Variants in TSPAN1 observed in about 807,000 individuals in gnomAD.
The protein encoded by TSPAN1 is tetraspanin-1.
A neutral mutation model predicts 26.9 loss-of-function variants in TSPAN1; 23 were observed. That is an observed-to-expected ratio of 0.85 (90% CI 0.62 to 1.21). The LOEUF (loss-of-function observed/expected upper bound fraction) is 1.21, where lower values mean the gene tolerates loss of function less well. Among genes scored for constraint, TSPAN1 ranks in the 50% most tolerant of loss-of-function variants. The probability of loss-of-function intolerance (pLI) is 0.00; values close to 1 mark genes in which losing one functional copy is unlikely to be tolerated. For missense variants in TSPAN1, 283 were observed against 298.4 expected (o/e 0.95, Z 0.38); for synonymous variants, 115 against 114.8 (o/e 1.00, Z -0.01).
chr1:46,179,756 C>T (rs1323827526), intron 1 of TSPAN1, among the ~76,000 whole-genome samples: 2 of 151,010 alleles, frequency 1.3e-5, no homozygotes, highest in Non-Finnish European at 2.9e-5. Flanking sequence ...GTACACAGAG[C>T]GCTAAGAGAA....
At chr1:46,176,030 G>A (rs543505618) in intron 1 of TSPAN1, among the ~76,000 whole-genome samples, 16 of 152,190 alleles carry the variant, frequency 1.1e-4, no homozygotes, top group African/African-American at 2.2e-4. Flanking sequence ...GTGCCACCAC[G>A]CCCGGCTAAT....
At chr1:46,193,494 T>G in the TSPAN1 span, 39 of 1,613,034 alleles carry the variant, frequency 2.4e-5, no homozygotes, top group Non-Finnish European at 3.1e-5. Flanking sequence ...CGGTCTCCCT[T>G]GCCCGTCCCT....
At position 46,185,947 on chromosome 1, in the gene TSPAN1, T is replaced by A. The variant is rs112046563; in HGVS notation, c.*414T>A. ...GAAGGCACTTCAAAATGCATAAACCTGTTACAATGTTGCCAGTTGGACTCT... is the reference window on the plus strand; with the variant it reads ...GAAGGCACTTCAAAATGCATAAACCAGTTACAATGTTGCCAGTTGGACTCT... On this transcript the variant is annotated 3_prime_UTR_variant, in exon 9 of 9. Coordinates refer to ENST00000372003, the MANE Select transcript of TSPAN1 (RefSeq NM_005727.4). 2,040 of 206,680 alleles carry A rather than the reference T, an allele frequency of 9.9e-3. 48 individuals are homozygous for A. The highest frequency in any genetic ancestry group is 0.045 in the African/African-American group (1,915 of 42,870). 12.8% of individuals were successfully genotyped at this position (206,680 alleles called of 1,614,324 possible).
At chr1:46,181,379 A>G (rs2148141183) in intron 3 of TSPAN1, among the ~76,000 whole-genome samples, 2 of 152,262 alleles carry the variant, frequency 1.3e-5, no homozygotes, top group Admixed American at 1.3e-4. Flanking sequence ...GAAAAAGGGG[A>G]TGGAGAAGCT....
chr1:46,195,664 A>G, the TSPAN1 span: 6 of 784,936 alleles, frequency 7.6e-6, no homozygotes, highest in Non-Finnish European at 1.3e-5. Flanking sequence ...TGCTGAATTA[A>G]TACAAATGTT....
chr1:46,189,249 C>A, downstream of TSPAN1: 2 of 1,609,494 alleles, frequency 1.2e-6, no homozygotes, highest in Non-Finnish European at 1.7e-6. Flanking sequence ...TACCCAGCCC[C>A]GCAGGGTCCT....
At chr1:46,189,224 C>G (rs747530937), downstream of TSPAN1, 1 of 1,584,262 alleles carries the variant, frequency 6.3e-7, no homozygotes, top group Admixed American at 1.9e-5. Context: ...GGCTAGCCAG[C>G]CTGGGGGTAC....
chr1:46,193,373 C>G, the TSPAN1 span: 1 of 1,612,940 alleles, frequency 6.2e-7, no homozygotes, highest in Non-Finnish European at 8.5e-7. Context: ...AACAGTGCCA[C>G]CACATCCATG....
chr1:46,188,584 G>A (rs184031506), downstream of TSPAN1: 1 of 1,427,268 alleles, frequency 7.0e-7, no homozygotes, highest in East Asian at 2.3e-5. Context: ...TAAACTCTGT[G>A]GAGGACAGTA....
Position 46,184,948 on chromosome 1 carries a change from T to G in TSPAN1, c.439-12T>G. The G allele has an allele frequency of 6.2e-7, 1 of 1,614,198 alleles. No individual in the cohort carries two copies. The highest frequency in any genetic ancestry group is 8.5e-7 in the Non-Finnish European group (1 of 1,180,034). On this transcript the variant is annotated splice_polypyrimidine_tract_variant and intron_variant, in intron 6 of 8. Transcript: ENST00000372003. ...AAGCAAGGCCCCACCTCCACCCTCA[T>G]CTTGTCTCCAGCTCAAGTGCTGTGG...
At chr1:46,191,156 A>G in the TSPAN1 span, 1 of 343,734 alleles carries the variant, frequency 2.9e-6, no homozygotes, top group African/African-American at 2.1e-5. Flanking sequence ...GGGAAGGAAA[A>G]AACTACTTTG....
intron 8 of TSPAN1, 85 bp downstream of exon 8, chr1:46,185,393 G>A: frequency 1.2e-6 from 2 of 1,608,414 alleles, no homozygotes; most frequent in Non-Finnish European, 1.7e-6. Context: ...GGAGGAAACA[G>A]ACTTCTAACT....
chr1:46,176,311 G>A, intron 1 of TSPAN1: 3 of 1,535,774 alleles, frequency 2.0e-6, no homozygotes, highest in Non-Finnish European at 2.6e-6. Context: ...ATTGATGGCT[G>A]CACTGCTGGC....
At chr1:46,186,268 T>A (rs1361475437), downstream of TSPAN1, among the ~76,000 whole-genome samples, 1 of 152,012 alleles carries the variant, frequency 6.6e-6, no homozygotes, top group Non-Finnish European at 1.5e-5. Flanking sequence ...AATAACAAGC[T>A]TGTGACGAAT....
the TSPAN1 span, among the ~76,000 whole-genome samples, chr1:46,195,250 G>T: frequency 3.0e-4 from 46 of 152,060 alleles, no homozygotes; most frequent in South Asian, 4.8e-3. Context: ...CCCTTATTCT[G>T]CTCCACCTCG....
chr1:46,193,392 G>C, the TSPAN1 span: 3 of 1,611,214 alleles, frequency 1.9e-6, no homozygotes, highest in Admixed American at 1.7e-5. Context: ...TGGGTTCCTG[G>C]GGGACATGGC....
chr1:46,176,118 G>GC (rs2148129536), intron 1 of TSPAN1: 1 of 1,203,730 alleles, frequency 8.3e-7, no homozygotes, highest in East Asian at 2.6e-5. Flanking sequence ...CTTGTGATCT[G>GC]CCCGCCTTGG....
chr1:46,193,608 C>A, the TSPAN1 span: 2 of 1,614,208 alleles, frequency 1.2e-6, no homozygotes, highest in Non-Finnish European at 1.7e-6. Context: ...TGAGGAGACA[C>A]CCCCTGGGCT....
intron 1 of TSPAN1, chr1:46,176,568 T>C (rs1395103145): frequency 7.1e-7 from 1 of 1,412,626 alleles, no homozygotes; most frequent in Non-Finnish European, 9.4e-7. Flanking sequence ...GGCAGGGCCC[T>C]TTATTACAAG....
Sources: allele counts gnomAD v4.1 joint callset (sites outside exome capture counted in the v4.1 genomes callset), GRCh38; gene constraint gnomAD v4.1.1; transcripts MANE v1.5; gene names NCBI Gene and HGNC (gene_info 2026-07-23, HGNC 2026-07-21).